The following WWOX variants were observed in gnomAD, a reference collection of about 807,000 sequenced individuals.
WWOX encodes the protein WW domain containing oxidoreductase.
In WWOX, 69 loss-of-function variants were observed where a neutral mutation model predicts 46.2. The observed-to-expected ratio is 1.49, with a 90% CI of 1.23 to 1.82. The LOEUF is 1.82. Ranked by LOEUF, WWOX falls within the 40% of genes most tolerant of loss-of-function variation. The pLI is 0.00. For synonymous variants in WWOX, 359 were observed against 202.6 expected (o/e 1.77, Z -6.56); for missense variants, 919 against 542.6 (o/e 1.69, Z -6.89).
At chr16:78,249,702 TCAA>T (rs954857308) in intron 5 of WWOX, among the ~76,000 whole-genome samples, 1 of 152,314 alleles carries the variant, frequency 6.6e-6, no homozygotes, top group East Asian at 1.9e-4. Flanking sequence ...AATGATCATT[TCAA>T]CAACATTTCG....
At chr16:78,782,822 T>C (rs2050363864) in intron 8 of WWOX, among the ~76,000 whole-genome samples, 1 of 152,192 alleles carries the variant, frequency 6.6e-6, no homozygotes, top group Admixed American at 6.5e-5. Context: ...GTACTGTTAT[T>C]TTATGTTTCA....
chr16:79,132,613 C>G (rs528756198), intron 8 of WWOX, among the ~76,000 whole-genome samples: 1 of 152,188 alleles, frequency 6.6e-6, no homozygotes, highest in East Asian at 1.9e-4. Flanking sequence ...CTTTTTCCCT[C>G]AAACATCGCT....
At position 78,382,159 on chromosome 16, in the gene WWOX, GAGTT is replaced by G. The variant is rs1330144215; in HGVS notation, c.517-4696_517-4693del. Reference sequence around the variant, plus strand: ...GTAGACAGGGACCAAGTCATGGACTGAGTTAGTTGTTGTTGTTCCTCACTTTCTG... The same window carrying G: ...GTAGACAGGGACCAAGTCATGGACTGAGTTGTTGTTGTTCCTCACTTTCTG... On this transcript the variant is annotated intron_variant, in intron 5 of 8. Transcript: ENST00000566780. Among the ~76,000 whole-genome samples, 2 of 152,208 alleles carry G rather than the reference GAGTT, an allele frequency of 1.3e-5. 1 individual carries two copies. Among genetic ancestry groups the G allele is most frequent in the Non-Finnish European group, 2.9e-5 (2 of 68,036 alleles).
At chr16:78,369,898 C>A (rs12923475) in intron 5 of WWOX, among the ~76,000 whole-genome samples, 3,532 of 151,866 alleles carry the variant, frequency 0.023, 58 homozygotes, top group Non-Finnish European at 0.03. Flanking sequence ...TTTGGGAGGC[C>A]GAGGCGGGAG....
intron 5 of WWOX, among the ~76,000 whole-genome samples, chr16:78,382,286 C>T (rs959812118): frequency 3.3e-5 from 5 of 152,218 alleles, no homozygotes; most frequent in Non-Finnish European, 7.3e-5. Context: ...GCAGAAGCAA[C>T]ACCAGTCACT....
intron 8 of WWOX, among the ~76,000 whole-genome samples, chr16:79,091,995 G>A (rs1013966096): frequency 2.0e-5 from 3 of 151,866 alleles, no homozygotes; most frequent in Admixed American, 6.6e-5. Flanking sequence ...TGGCCAAGAT[G>A]GTCTCGATCT....
intron 8 of WWOX, among the ~76,000 whole-genome samples, chr16:78,674,622 C>T (rs1017375295): frequency 1.3e-5 from 2 of 152,212 alleles, no homozygotes; most frequent in South Asian, 4.2e-4. Flanking sequence ...TTCTCCTAAC[C>T]ACTAGGTTCC....
chr16:79,043,427 G>C (rs927520547), intron 8 of WWOX, among the ~76,000 whole-genome samples: 2 of 152,128 alleles, frequency 1.3e-5, no homozygotes, highest in East Asian at 3.9e-4. Context: ...GAGGATGAGA[G>C]ACAGAACTGA....
chr16:78,463,930 C>G (rs1390109374), intron 8 of WWOX, among the ~76,000 whole-genome samples: 1 of 152,150 alleles, frequency 6.6e-6, no homozygotes, highest in African/African-American at 2.4e-5. Flanking sequence ...ATTTGTACTG[C>G]TGGTGGAGCT....
chr16:78,358,155 G>C (rs75342618), intron 5 of WWOX, among the ~76,000 whole-genome samples: 4,249 of 152,162 alleles, frequency 0.028, 196 homozygotes, highest in African/African-American at 0.095. Flanking sequence ...TAATTGTCAA[G>C]TATCTTCTCA....
intron 8 of WWOX, among the ~76,000 whole-genome samples, chr16:79,154,172 C>T (rs966493958): frequency 3.9e-5 from 6 of 152,168 alleles, no homozygotes; most frequent in African/African-American, 1.4e-4. Context: ...CAACTTGGGT[C>T]ATGCCACTAC....
chr16:78,821,160 T>A (rs1021030808), intron 8 of WWOX, among the ~76,000 whole-genome samples: 2 of 152,162 alleles, frequency 1.3e-5, no homozygotes, highest in Non-Finnish European at 2.9e-5. Context: ...TTGGCCTTTC[T>A]CCTATTTGCC....
At chr16:79,042,244 C>T (rs938031394) in intron 8 of WWOX, among the ~76,000 whole-genome samples, 4 of 152,172 alleles carry the variant, frequency 2.6e-5, no homozygotes, top group Non-Finnish European at 5.9e-5. Flanking sequence ...CTCTCTTACA[C>T]CCTCCCAAAA....
chr16:78,808,517 C>T (rs1258358013), intron 8 of WWOX, among the ~76,000 whole-genome samples: 1 of 152,044 alleles, frequency 6.6e-6, no homozygotes, highest in Non-Finnish European at 1.5e-5. Context: ...AAAATGTGGA[C>T]CTTTGTGAAT....
At chr16:78,157,285 G>C (rs79448771) in intron 4 of WWOX, among the ~76,000 whole-genome samples, 17,214 of 152,128 alleles carry the variant, frequency 0.11, 1,247 homozygotes, top group East Asian at 0.26. Flanking sequence ...TGATGGGGCA[G>C]ATCAGTCAGC....
At chr16:78,619,625 T>C (rs2738560) in intron 8 of WWOX, among the ~76,000 whole-genome samples, 118,566 of 151,792 alleles carry the variant, frequency 0.78, 46,530 homozygotes, top group Middle Eastern at 0.84. Context: ...ACCATGTGAA[T>C]TGGGCGTGGT....
intron 3 of WWOX, chr16:78,111,791 G>C (rs1054755551): frequency 3.7e-5 from 6 of 162,816 alleles, no homozygotes; most frequent in Admixed American, 1.3e-4. Flanking sequence ...AATGGTGAAA[G>C]TTTTAAAGTC....
intron 5 of WWOX, among the ~76,000 whole-genome samples, chr16:78,358,366 T>A (rs1024726448): frequency 6.6e-6 from 1 of 152,196 alleles, no homozygotes; most frequent in Non-Finnish European, 1.5e-5. Context: ...GTTGTAAATA[T>A]AATAATTATA....
intron 8 of WWOX, among the ~76,000 whole-genome samples, chr16:78,775,225 C>G (rs1597589434): frequency 6.6e-6 from 1 of 152,158 alleles, no homozygotes; most frequent in African/African-American, 2.4e-5. Flanking sequence ...ATTATCAGGA[C>G]TGTATTCAGC....
Sources: gnomAD v4.1 joint callset for allele counts (sites outside exome capture counted in the v4.1 genomes callset) on GRCh38, gnomAD v4.1.1 for gene constraint, MANE v1.5 for transcripts, NCBI Gene and HGNC (gene_info 2026-07-23, HGNC 2026-07-21) for gene names.